Variants in ZGRF1 observed in about 807,000 individuals in gnomAD.
ZGRF1 encodes the protein zinc finger GRF-type containing 1.
ZGRF1 carries 196 observed loss-of-function variants against 203.5 expected under a neutral mutation model. That is an observed-to-expected ratio of 0.96 (90% CI 0.86 to 1.08). The LOEUF is 1.08. Ranked by LOEUF, ZGRF1 falls within the 50% of genes least tolerant of loss-of-function variation. The pLI is 0.00. For missense variants in ZGRF1, 2,326 were observed against 2,416.3 expected (o/e 0.96, Z 0.78); for synonymous variants, 809 against 841.3 (o/e 0.96, Z 0.66).
At chr4:112,553,158 C>T (rs1373177988) in intron 22 of ZGRF1, among the ~76,000 whole-genome samples, 1 of 152,194 alleles carries the variant, frequency 6.6e-6, no homozygotes, top group Non-Finnish European at 1.5e-5. Context: ...TGCAAGTGGC[C>T]CAAGAAGCCA....
At chr4:112,577,218 A>C (rs1218807658) in intron 16 of ZGRF1, among the ~76,000 whole-genome samples, 1 of 122,448 alleles carries the variant, frequency 8.2e-6, no homozygotes, top group African/African-American at 2.8e-5. Context: ...CTTTACAGAC[A>C]AGCAAATGCT....
chr4:112,575,848 G>C (rs1050278964), intron 16 of ZGRF1, among the ~76,000 whole-genome samples: 1 of 152,200 alleles, frequency 6.6e-6, no homozygotes, highest in Admixed American at 6.5e-5. Flanking sequence ...TCCCCCTCTG[G>C]GGGGCAGGAC....
chr4:112,543,797 CATATGACT>C (rs1738193095), intron 24 of ZGRF1, among the ~76,000 whole-genome samples: 1 of 152,094 alleles, frequency 6.6e-6, no homozygotes, highest in South Asian at 2.1e-4. Flanking sequence ...AATTTTGAAC[CATATGACT>C]ATATTACCTA....
chr4:112,624,951 G>T (rs1471880), intron 3 of ZGRF1, among the ~76,000 whole-genome samples: 67,589 of 151,852 alleles, frequency 0.45, 15,200 homozygotes, highest in South Asian at 0.52. Context: ...GTAACCCAAA[G>T]GTATATCAAC....
At chr4:112,554,349 A>C (rs184184252) in intron 21 of ZGRF1, among the ~76,000 whole-genome samples, 26 of 152,082 alleles carry the variant, frequency 1.7e-4, no homozygotes, top group African/African-American at 5.3e-4. Flanking sequence ...ATTACTGGGT[A>C]TATACCCAAA....
intron 4 of ZGRF1, among the ~76,000 whole-genome samples, chr4:112,622,746 C>A (rs2047103878): frequency 6.6e-6 from 1 of 151,948 alleles, no homozygotes; most frequent in African/African-American, 2.4e-5. Flanking sequence ...CTAAAATATG[C>A]CTTTAGTTCT....
In ZGRF1 at chr4:112,563,198, T is replaced by C. The variant is rs1742338079; in HGVS notation, c.4515A>G (p.Pro1505=). 1.3e-6 allele frequency: 2 copies of C among 1,550,588 alleles called. No homozygotes were observed. The highest frequency in any genetic ancestry group is 1.7e-6 in the Non-Finnish European group (2 of 1,146,252). The change falls in exon 17 of 28, where the codon CCA becomes CCG. Residue 1505 remains proline, a synonymous_variant. Transcript: ENST00000505019. ...TFIACSAFFG[P]SSINEIEILP... ...GTATTTCTATCTCATTGATAGATGA[T>C]GGTCCAAAGAAAGCACTACATGCGA... is the stretch of plus-strand genomic sequence containing the variant.
chr4:112,603,376 A>G (rs1750264405), intron 10 of ZGRF1, 148 bp downstream of exon 10: 1 of 510,248 alleles, frequency 2.0e-6, no homozygotes, highest in African/African-American at 1.9e-5. Context: ...TACTTTTGTT[A>G]TTTAGTTTTG....
At chr4:112,616,373 A>G (rs2149145876) in intron 6 of ZGRF1, among the ~76,000 whole-genome samples, 1 of 151,980 alleles carries the variant, frequency 6.6e-6, no homozygotes, top group South Asian at 2.1e-4. Context: ...TACAAAAAAA[A>G]AATTAGCTGG....
chr4:112,613,601 C>T (rs2046768659), intron 6 of ZGRF1, among the ~76,000 whole-genome samples: 1 of 152,058 alleles, frequency 6.6e-6, no homozygotes, highest in East Asian at 1.9e-4. Flanking sequence ...AAAAGTTTCT[C>T]ATGGGAAGTA....
At chr4:112,555,153 C>T (rs902695889) in intron 20 of ZGRF1, among the ~76,000 whole-genome samples, 7 of 152,154 alleles carry the variant, frequency 4.6e-5, no homozygotes, top group African/African-American at 1.7e-4. Context: ...TACTGTTTAA[C>T]ACTCACTACA....
chr4:112,596,593 A>AT (rs200855606), intron 10 of ZGRF1, among the ~76,000 whole-genome samples: 1,692 of 147,876 alleles, frequency 0.011, 10 homozygotes, highest in Middle Eastern at 0.045. Context: ...GAATATCAGG[A>AT]TTTTTTTTTT....
At chr4:112,612,973 A>T (rs1230241198) in intron 6 of ZGRF1, among the ~76,000 whole-genome samples, 4 of 152,160 alleles carry the variant, frequency 2.6e-5, no homozygotes, top group Non-Finnish European at 4.4e-5. Context: ...CAAGACTCCC[A>T]GTATACTGTT....
At chr4:112,625,152 T>C (rs1471385986) in intron 3 of ZGRF1, among the ~76,000 whole-genome samples, 3 of 152,070 alleles carry the variant, frequency 2.0e-5, no homozygotes. Context: ...CCAGACATGG[T>C]GGTGCAAGCC....
intron 15 of ZGRF1, 142 bp from the exon 16 acceptor site, chr4:112,581,944 G>A: frequency 2.5e-6 from 1 of 394,426 alleles, no homozygotes; most frequent in Non-Finnish European, 4.4e-6. Flanking sequence ...TAAATATACT[G>A]TATCAAAGTA....
At position 112,586,375 on chromosome 4, in the gene ZGRF1, T is replaced by C. The variant is rs558876843; in HGVS notation, c.3916+70A>G. On this transcript the variant is annotated intron_variant, in intron 13 of 27. Coordinates refer to ENST00000505019, the MANE Select transcript of ZGRF1 (RefSeq NM_018392.5). ...GTATGAAAATTCACAATATAATGTATTAAATTCTCACAATTTTACTACTTA... is the reference window on the plus strand; with the variant it reads ...GTATGAAAATTCACAATATAATGTACTAAATTCTCACAATTTTACTACTTA... 5.7e-6 allele frequency: 7 copies of C among 1,220,798 alleles called. No individual in the cohort carries two copies. In the East Asian group the frequency reaches 1.7e-4, roughly 29 times the overall value. 75.6% of individuals were successfully genotyped at this position (1,220,798 alleles called of 1,614,324 possible). A position where few individuals can be genotyped will look rare whatever the true frequency, so the allele number is the denominator to read the frequency against.
intron 14 of ZGRF1, 94 bp downstream of exon 14, chr4:112,585,447 G>A: frequency 1.1e-6 from 1 of 928,634 alleles, no homozygotes; most frequent in Non-Finnish European, 1.5e-6. Context: ...TCTTAATCAA[G>A]ACTCACTCTT....
Position 112,618,822 on chromosome 4 carries a change from G to A in ZGRF1, c.1220C>T (p.Pro407Leu), listed in dbSNP as rs759030137. 2.5e-6 allele frequency: 4 copies of A among 1,612,918 alleles called. No individual in the cohort carries two copies. In the African/African-American group the frequency reaches 5.3e-5, roughly 22 times the overall value. The change falls in exon 6 of 28, where the codon CCT becomes CTT. Residue 407 changes from proline to leucine, a missense_variant. By Grantham distance (98) the Pro-to-Leu change is moderately conservative. Coordinates refer to ENST00000505019, the MANE Select transcript of ZGRF1 (RefSeq NM_018392.5). ...SWNQEVKLEI[P>L]SFNESSSLQV... ...TAAGCTACTGCTTTCATTGAATGAAGGAATTTCTAATTTTACTTCCTGATT... is the reference window on the plus strand; with the variant it reads ...TAAGCTACTGCTTTCATTGAATGAAAGAATTTCTAATTTTACTTCCTGATT...
intron 16 of ZGRF1, among the ~76,000 whole-genome samples, chr4:112,564,716 T>G (rs1412708865): frequency 1.3e-5 from 2 of 152,204 alleles, no homozygotes; most frequent in Non-Finnish European, 2.9e-5. Flanking sequence ...GCTTGGAGAT[T>G]TTTAATTTTT....
Sources: gnomAD v4.1 joint callset for allele counts (sites outside exome capture counted in the v4.1 genomes callset) on GRCh38, gnomAD v4.1.1 for gene constraint, MANE v1.5 for transcripts, NCBI Gene and HGNC (gene_info 2026-07-23, HGNC 2026-07-21) for gene names.